Variants in MAMDC2 observed in about 807,000 individuals in gnomAD.
The protein encoded by MAMDC2 is MAM domain-containing protein 2.
In MAMDC2, 57 loss-of-function variants were observed where a neutral mutation model predicts 89.8. The observed-to-expected ratio is 0.63, with a 90% confidence interval of 0.51 to 0.79. The LOEUF (loss-of-function observed/expected upper bound fraction) is 0.79. Among genes scored for constraint, MAMDC2 ranks in the 30% least tolerant of loss-of-function variants. The pLI, the probability that MAMDC2 is intolerant of heterozygous loss-of-function variation, is 0.00. For missense variants in MAMDC2, 800 were observed against 820.6 expected, an observed-to-expected ratio of 0.97 and a Z score of 0.31; for synonymous variants, 313 against 293.4, an observed-to-expected ratio of 1.07 and a Z score of -0.68.
intron 2 of MAMDC2, chr9:70,086,263 C>T (rs1827768622): frequency 6.6e-6 from 1 of 152,044 alleles, no homozygotes; most frequent in Admixed American, 6.6e-5. Context: ...CTGTTATATG[C>T]TTTCATAAAA....
At chr9:70,163,560 T>C (rs2032059002) in intron 9 of MAMDC2, among the ~76,000 whole-genome samples, 1 of 152,064 alleles carries the variant, frequency 6.6e-6, no homozygotes, top group African/African-American at 2.4e-5. Context: ...AATCACCTGG[T>C]GATGTGTAGA....
At chr9:70,215,017 A>G (rs969595960) in intron 11 of MAMDC2, among the ~76,000 whole-genome samples, 1 of 152,210 alleles carries the variant, frequency 6.6e-6, no homozygotes, top group African/African-American at 2.4e-5. Flanking sequence ...GAGATATAAC[A>G]TATTTGGTAT....
At chr9:70,060,866 C>T (rs558831710) in intron 2 of MAMDC2, among the ~76,000 whole-genome samples, 36 of 152,264 alleles carry the variant, frequency 2.4e-4, no homozygotes, top group African/African-American at 7.5e-4. Flanking sequence ...GCCACTGATA[C>T]CTGGAACCCA....
intron 8 of MAMDC2, among the ~76,000 whole-genome samples, chr9:70,140,982 C>T (rs1004459929): frequency 1.3e-5 from 2 of 152,142 alleles, no homozygotes; most frequent in East Asian, 1.9e-4. Flanking sequence ...CCAGTGGAGA[C>T]AAGTGTGAAG....
At chr9:70,063,957 A>G (rs1258009748) in intron 2 of MAMDC2, among the ~76,000 whole-genome samples, 2 of 152,166 alleles carry the variant, frequency 1.3e-5, no homozygotes, top group South Asian at 2.1e-4. Context: ...AGCCACCTGA[A>G]AAAATAAAAT....
chr9:70,136,567 T>C (rs1198202641), intron 7 of MAMDC2, among the ~76,000 whole-genome samples: 6 of 152,178 alleles, frequency 3.9e-5, no homozygotes, highest in Non-Finnish European at 1.5e-5. Context: ...AAGATTCTCT[T>C]GCAGTCGCCC....
intron 2 of MAMDC2, among the ~76,000 whole-genome samples, chr9:70,082,261 T>C (rs1353694968): frequency 6.6e-6 from 1 of 152,118 alleles, no homozygotes; most frequent in African/African-American, 2.4e-5. Context: ...ATAGAGAACA[T>C]GGAATAATAA....
At chr9:70,074,808 C>G (rs554724135) in intron 2 of MAMDC2, among the ~76,000 whole-genome samples, 1 of 152,354 alleles carries the variant, frequency 6.6e-6, no homozygotes, top group Non-Finnish European at 1.5e-5. Flanking sequence ...ATATTTAATA[C>G]TGTTAACAGC....
chr9:70,049,847 C>T (rs1194739889), intron 2 of MAMDC2, among the ~76,000 whole-genome samples: 2 of 152,180 alleles, frequency 1.3e-5, no homozygotes, highest in Non-Finnish European at 2.9e-5. Flanking sequence ...GGCAGCCTTG[C>T]TTCTGCCTTG....
At chr9:70,177,022 C>T (rs1216949116) in intron 11 of MAMDC2, among the ~76,000 whole-genome samples, 1 of 152,176 alleles carries the variant, frequency 6.6e-6, no homozygotes, top group African/African-American at 2.4e-5. Context: ...AAGACACTAA[C>T]AATGACCAAT....
intron 6 of MAMDC2, among the ~76,000 whole-genome samples, chr9:70,127,445 T>C (rs2030603684): frequency 2.2e-5 from 1 of 44,782 alleles, no homozygotes; most frequent in African/African-American, 4.1e-5. Flanking sequence ...AGAGTCTTGG[T>C]TACCCCAAGT....
rs747680396 is a variant in MAMDC2 at position 70,131,524 on chromosome 9, T to A, written c.906T>A (p.Ile302=). 11 of 1,598,804 alleles carry A rather than the reference T, an allele frequency of 6.9e-6. No homozygotes were observed. Among genetic ancestry groups the A allele is most frequent in the Non-Finnish European group, 9.4e-6 (11 of 1,176,168 alleles). Residue 302 remains isoleucine (I), a synonymous_variant, in exon 7 of 14, where the codon ATT becomes ATA. Transcript: ENST00000377182. The stretch of plus-strand genomic sequence containing the variant: ...CATGCCATTTTCCTCTGCAGGTTAT[T>A]TTTGAAGTTGCTTTCAATGGTCCCA... ...EFSAPYPMEV[I]FEVAFNGPKG...
chr9:70,097,499 G>T (rs910975963), intron 2 of MAMDC2, among the ~76,000 whole-genome samples: 1 of 152,186 alleles, frequency 6.6e-6, no homozygotes, highest in Non-Finnish European at 1.5e-5. Flanking sequence ...AAGTTTGTAC[G>T]TGGTAATTTT....
intron 2 of MAMDC2, among the ~76,000 whole-genome samples, chr9:70,071,999 C>A (rs1158227815): frequency 6.6e-6 from 1 of 151,898 alleles, no homozygotes; most frequent in East Asian, 1.9e-4. Context: ...TTAAAAGAGC[C>A]CTCGTTTAGA....
chr9:70,088,214 T>G (rs560610632), intron 2 of MAMDC2: 1 of 152,154 alleles, frequency 6.6e-6, no homozygotes, highest in Non-Finnish European at 1.5e-5. Flanking sequence ...ATCTCAGGTA[T>G]GCACTATTAG....
At chr9:70,072,410 T>A (rs1456106932) in intron 2 of MAMDC2, among the ~76,000 whole-genome samples, 1 of 152,224 alleles carries the variant, frequency 6.6e-6, no homozygotes, top group Non-Finnish European at 1.5e-5. Flanking sequence ...GAATTCATCC[T>A]GAATTCTAGT....
At chr9:70,215,139 G>GA (rs1270288733) in intron 11 of MAMDC2, among the ~76,000 whole-genome samples, 1 of 152,150 alleles carries the variant, frequency 6.6e-6, no homozygotes, top group Non-Finnish European at 1.5e-5. Flanking sequence ...GTGGAATTGT[G>GA]AAAAAAGTGA....
chr9:70,077,676 G>A, intron 2 of MAMDC2, among the ~76,000 whole-genome samples: 1 of 152,154 alleles, frequency 6.6e-6, no homozygotes, highest in East Asian at 1.9e-4. Flanking sequence ...TGTTAGTGCT[G>A]TATGCATCAC....
At chr9:70,214,170 G>A (rs1266524246) in intron 11 of MAMDC2, among the ~76,000 whole-genome samples, 1 of 152,144 alleles carries the variant, frequency 6.6e-6, no homozygotes, top group African/African-American at 2.4e-5. Context: ...TATGTTAAGA[G>A]GCAATTAACT....
Sources: allele counts gnomAD v4.1 joint callset (sites outside exome capture counted in the v4.1 genomes callset), GRCh38; gene constraint gnomAD v4.1.1; transcripts MANE v1.5; gene names NCBI Gene and HGNC (gene_info 2026-07-23, HGNC 2026-07-21).